The following EXOC4 variants were observed in gnomAD, a reference collection of about 807,000 sequenced individuals.
EXOC4 encodes SEC8-like 1.
EXOC4 carries 71 observed loss-of-function variants against 107.2 expected under a neutral mutation model. That is an observed-to-expected ratio of 0.66 (90% CI 0.55 to 0.81). The LOEUF (loss-of-function observed/expected upper bound fraction) is 0.81. EXOC4 is among the 30% of genes least tolerant of loss of function. The pLI, the probability that EXOC4 is intolerant of heterozygous loss-of-function variation, is 0.00. For synonymous variants in EXOC4, 456 were observed against 441.2 expected (o/e 1.03, Z -0.42); for missense variants, 1,108 against 1,189.6 (o/e 0.93, Z 1.01).
chr7:133,592,663 C>T (rs1478634162), intron 9 of EXOC4, among the ~76,000 whole-genome samples: 3 of 152,096 alleles, frequency 2.0e-5, no homozygotes, highest in Non-Finnish European at 4.4e-5. Flanking sequence ...AGTGTAGTGG[C>T]ATGATCTCAG....
chr7:133,357,603 C>G (rs954656374), intron 6 of EXOC4, among the ~76,000 whole-genome samples: 6 of 151,972 alleles, frequency 3.9e-5, no homozygotes, highest in African/African-American at 1.4e-4. Context: ...CTTGTAGATA[C>G]GTTGTTAAGG....
intron 10 of EXOC4, among the ~76,000 whole-genome samples, chr7:133,722,075 A>G (rs766040651): frequency 1.3e-5 from 2 of 152,200 alleles, no homozygotes; most frequent in East Asian, 1.9e-4. Context: ...ACCTGATGCA[A>G]TTTGCAGCTG....
intron 10 of EXOC4, among the ~76,000 whole-genome samples, chr7:133,634,860 A>G (rs1001827560): frequency 3.3e-5 from 5 of 152,220 alleles, no homozygotes; most frequent in Non-Finnish European, 5.9e-5. Context: ...GTTTCTAGCC[A>G]TGCCCGGATA....
At chr7:133,353,879 C>T (rs1373008851) in intron 5 of EXOC4, among the ~76,000 whole-genome samples, 1 of 151,422 alleles carries the variant, frequency 6.6e-6, no homozygotes, top group African/African-American at 2.4e-5. Flanking sequence ...TTTTTTTCTT[C>T]TCCCTGCTCA....
chr7:133,546,253 C>CTTTTTTTT (rs368101148), intron 9 of EXOC4, among the ~76,000 whole-genome samples: 1 of 119,324 alleles, frequency 8.4e-6, no homozygotes. Context: ...AGCTGGAAAA[C>CTTTTTTTT]TTTTTTTTTT....
chr7:133,825,194 AAAAG>A (rs1031185585), intron 11 of EXOC4, among the ~76,000 whole-genome samples: 9 of 151,808 alleles, frequency 5.9e-5, no homozygotes, highest in Non-Finnish European at 1.2e-4. Flanking sequence ...TAAAAAAAAA[AAAAG>A]AAAGAAAGAA....
At chr7:133,713,844 C>T (rs867389145) in intron 10 of EXOC4, among the ~76,000 whole-genome samples, 3 of 152,278 alleles carry the variant, frequency 2.0e-5, no homozygotes, top group Middle Eastern at 3.4e-3. Flanking sequence ...GAGCCTCCCC[C>T]GCCCCAAACA....
intron 2 of EXOC4, among the ~76,000 whole-genome samples, chr7:133,282,571 C>G (rs1283919285): frequency 6.6e-6 from 1 of 152,044 alleles, no homozygotes; most frequent in African/African-American, 2.4e-5. Flanking sequence ...TAATTTGATA[C>G]TTTTCTAACA....
chr7:133,724,539 CA>C (rs1795175890), intron 10 of EXOC4, among the ~76,000 whole-genome samples: 1 of 151,816 alleles, frequency 6.6e-6, no homozygotes, highest in African/African-American at 2.4e-5. Context: ...ATATTAGTGA[CA>C]AAACAGAAAA....
intron 10 of EXOC4, among the ~76,000 whole-genome samples, chr7:133,707,827 G>A (rs1353688639): frequency 1.3e-5 from 2 of 152,074 alleles, no homozygotes; most frequent in African/African-American, 4.8e-5. Flanking sequence ...TGTTGGGCAG[G>A]CTGGTCTTGA....
At chr7:133,482,918 C>G (rs112769132) in intron 9 of EXOC4, among the ~76,000 whole-genome samples, 1 of 152,110 alleles carries the variant, frequency 6.6e-6, no homozygotes, top group Non-Finnish European at 1.5e-5. Flanking sequence ...AGGTATCGCT[C>G]ATTTGGATGG....
chr7:133,882,124 A>G (rs1798979600), intron 11 of EXOC4, among the ~76,000 whole-genome samples: 2 of 152,162 alleles, frequency 1.3e-5, no homozygotes, highest in African/African-American at 4.8e-5. Context: ...GTGACTGGCT[A>G]CTTTCATTCG....
chr7:133,697,112 A>AG (rs1794551840), intron 10 of EXOC4, among the ~76,000 whole-genome samples: 1 of 152,044 alleles, frequency 6.6e-6, no homozygotes, highest in Non-Finnish European at 1.5e-5. Context: ...GGGACCTGGG[A>AG]AGTGTTTGTT....
At chr7:133,636,190 T>C (rs2151020302) in intron 10 of EXOC4, among the ~76,000 whole-genome samples, 1 of 152,018 alleles carries the variant, frequency 6.6e-6, no homozygotes, top group South Asian at 2.1e-4. Context: ...AGTGTCTTGG[T>C]AGGTAAAGAG....
intron 17 of EXOC4, among the ~76,000 whole-genome samples, chr7:134,034,067 T>C (rs1439667410): frequency 6.9e-6 from 1 of 144,680 alleles, no homozygotes; most frequent in Non-Finnish European, 1.5e-5. Flanking sequence ...TCAGAAAACG[T>C]CGTGTCTAAA....
chr7:133,424,621 AC>A (rs1282875573), intron 7 of EXOC4, among the ~76,000 whole-genome samples: 1 of 152,250 alleles, frequency 6.6e-6, no homozygotes, highest in Non-Finnish European at 1.5e-5. Flanking sequence ...ATTTCTCATA[AC>A]CTTGTACCCT....
intron 9 of EXOC4, among the ~76,000 whole-genome samples, chr7:133,562,552 G>GA (rs1438616795): frequency 2.0e-5 from 3 of 152,124 alleles, no homozygotes; most frequent in Admixed American, 6.5e-5. Flanking sequence ...TCTTACCTAG[G>GA]AAAAATATTA....
chr7:133,911,451 G>A (rs1363899881), intron 12 of EXOC4, among the ~76,000 whole-genome samples: 1 of 152,194 alleles, frequency 6.6e-6, no homozygotes, highest in Non-Finnish European at 1.5e-5. Context: ...TTTGGGATTG[G>A]TGTTCATTCC....
intron 11 of EXOC4, among the ~76,000 whole-genome samples, chr7:133,853,269 G>A (rs1798273081): frequency 6.7e-6 from 1 of 150,208 alleles, no homozygotes; most frequent in Non-Finnish European, 1.5e-5. Flanking sequence ...TTCTTTCTTT[G>A]TTTCTTTCTG....
Sources: allele counts gnomAD v4.1 joint callset (sites outside exome capture counted in the v4.1 genomes callset), GRCh38; gene constraint gnomAD v4.1.1; transcripts MANE v1.5; gene names NCBI Gene and HGNC (gene_info 2026-07-23, HGNC 2026-07-21).